ITFG2: variants seen among roughly 807,000 people sequenced by gnomAD.
The protein encoded by ITFG2 is integrin alpha FG-GAP repeat containing 2.
Under a neutral mutation model 54.4 loss-of-function variants are expected in ITFG2, and 36 were observed. The observed-to-expected ratio is 0.66, with a 90% confidence interval of 0.51 to 0.87. ITFG2 has a LOEUF of 0.87. Among genes scored for constraint, ITFG2 ranks in the 40% least tolerant of loss-of-function variants. The probability of loss-of-function intolerance (pLI) is 0.00; values close to 1 mark genes in which losing one functional copy is unlikely to be tolerated. For missense variants in ITFG2, 524 were observed against 576.7 expected, an observed-to-expected ratio of 0.91 and a Z score of 0.94; for synonymous variants, 211 against 225.4, an observed-to-expected ratio of 0.94 and a Z score of 0.57.
chr12:2,837,394 C>T (rs993422971), intron 1 of ITFG2, among the ~76,000 whole-genome samples: 9 of 152,152 alleles, frequency 5.9e-5, no homozygotes, highest in East Asian at 3.9e-4. Flanking sequence ...AGGAGAATGG[C>T]GTGAACCCGG....
At chr12:2,840,629 A>G (rs2098038849) in intron 1 of ITFG2, among the ~76,000 whole-genome samples, 1 of 151,828 alleles carries the variant, frequency 6.6e-6, no homozygotes, top group Non-Finnish European at 1.5e-5. Flanking sequence ...TACTAAAAAT[A>G]CAAAAACTTA....
chr12:2,855,980 C>T (rs2098086068), intron 2 of ITFG2, among the ~76,000 whole-genome samples: 1 of 152,134 alleles, frequency 6.6e-6, no homozygotes, highest in Non-Finnish European at 1.5e-5. Flanking sequence ...TTTCCTCCCA[C>T]TCCTCATTAA....
intron 2 of ITFG2, among the ~76,000 whole-genome samples, chr12:2,841,423 C>T (rs2098040845): frequency 6.6e-6 from 1 of 152,196 alleles, no homozygotes; most frequent in African/African-American, 2.4e-5. Context: ...CTTGGCCTTC[C>T]AGCTTGATAA....
At chr12:2,839,693 G>T (rs1000730418) in intron 1 of ITFG2, among the ~76,000 whole-genome samples, 2 of 152,120 alleles carry the variant, frequency 1.3e-5, no homozygotes, top group African/African-American at 4.8e-5. Flanking sequence ...AATGGAACAG[G>T]TAGATAATGA....
chr12:2,854,219 T>C (rs2098080225), intron 2 of ITFG2, among the ~76,000 whole-genome samples: 1 of 151,998 alleles, frequency 6.6e-6, no homozygotes, highest in African/African-American at 2.4e-5. Flanking sequence ...GAGATGGGCT[T>C]TCTCCATGTT....
intron 1 of ITFG2, among the ~76,000 whole-genome samples, chr12:2,839,818 T>C (rs951871905): frequency 6.6e-6 from 1 of 152,104 alleles, no homozygotes; most frequent in Non-Finnish European, 1.5e-5. Flanking sequence ...ATGGATGCAG[T>C]TGGAGGACAT....
downstream of ITFG2, among the ~76,000 whole-genome samples, chr12:2,828,959 C>T (rs1015676958): frequency 6.6e-6 from 1 of 151,964 alleles, no homozygotes; most frequent in Admixed American, 6.6e-5. Flanking sequence ...GTAGTTCTAG[C>T]ACTTTGGAGG....
chr12:2,827,478 G>C, downstream of ITFG2: 2 of 1,534,206 alleles, frequency 1.3e-6, no homozygotes, highest in Non-Finnish European at 1.7e-6. This position sits in a 1 kb window ranked among gnomAD's most constrained non-coding sequence, Gnocchi z 4.0. Flanking sequence ...TTTTTCACTT[G>C]GTGGTAAGTA....
rs149606789 is a variant in ITFG2, at chr12:2,849,509, C to T, written n.301-8503C>T. On this transcript the variant is annotated intron_variant and non_coding_transcript_variant, in intron 2 of 3. Coordinates refer to the ITFG2 transcript ENST00000537710. The stretch of plus-strand genomic sequence containing the variant: ...CCCTGGGGTTCAAACCTCCCACCAG[C>T]GGATATGTGCCGGTACCTGTTGGGA... 3.7e-5 allele frequency: 57 copies of T among 1,536,056 alleles called. 1 individual carries two copies. In the Middle Eastern group the frequency reaches 1.7e-3, roughly 45 times the overall value.
chr12:2,853,588 TG>T (rs1383984926), intron 2 of ITFG2, among the ~76,000 whole-genome samples: 2 of 151,500 alleles, frequency 1.3e-5, no homozygotes, highest in Admixed American at 1.3e-4. Context: ...TTTTTGTTGT[TG>T]TTGTTGTTTT....
At chr12:2,827,667 A>T (rs35469762), downstream of ITFG2, 1 of 1,613,888 alleles carries the variant, frequency 6.2e-7, no homozygotes, top group East Asian at 2.2e-5. This position sits in a 1 kb window ranked among gnomAD's most constrained non-coding sequence, Gnocchi z 4.0. Context: ...AGAATTCAGG[A>T]CTCTCAGCAT....
chr12:2,821,213 G>A (rs2153924599), intron 6 of ITFG2, 49 bp from the exon 7 acceptor site: 1 of 1,435,820 alleles, frequency 7.0e-7, no homozygotes, highest in Admixed American at 1.9e-5. Flanking sequence ...GGGCTGGAGA[G>A]CTCAGCTCAC....
At chr12:2,832,162 G>C (rs1454415209), upstream of ITFG2, among the ~76,000 whole-genome samples, 2 of 152,114 alleles carry the variant, frequency 1.3e-5, no homozygotes, top group Non-Finnish European at 2.9e-5. Context: ...AGATCCCCAG[G>C]TGATTCATGT....
At chr12:2,847,542 C>T (rs2098056673) in intron 2 of ITFG2, among the ~76,000 whole-genome samples, 1 of 152,020 alleles carries the variant, frequency 6.6e-6, no homozygotes, top group Non-Finnish European at 1.5e-5. Flanking sequence ...TGGCGCACGC[C>T]TGTAGTCCCA....
In ITFG2 at chr12:2,820,865, G is replaced by A; in HGVS notation, c.688G>A (p.Gly230Ser). ...SPPASEGPTDGSRETPAARDV... is the reference protein window; with the variant it reads ...SPPASEGPTDSSRETPAARDV... ...TCCTGCCTCTGAAGGGCCCACGGATGGTAGTAGGTAAGGGGGTACAGGCCA... is the reference window on the plus strand; with the variant it reads ...TCCTGCCTCTGAAGGGCCCACGGATAGTAGTAGGTAAGGGGGTACAGGCCA... Residue 230 changes from glycine to serine, a missense_variant, in exon 6 of 12, where the codon GGT becomes AGT. Physicochemically the swap from Gly to Ser is moderately conservative, Grantham distance 56 (BLOSUM62 0). Transcript: ENST00000228799. 6.2e-7 allele frequency: 1 copy of A among 1,614,014 alleles called. No homozygotes were observed. Among genetic ancestry groups the A allele is most frequent in the Non-Finnish European group, 8.5e-7 (1 of 1,179,940 alleles).
At chr12:2,837,366 T>A (rs1168264488) in intron 1 of ITFG2, among the ~76,000 whole-genome samples, 1 of 152,150 alleles carries the variant, frequency 6.6e-6, no homozygotes, top group Non-Finnish European at 1.5e-5. Flanking sequence ...TAGTCCCAGC[T>A]ACTCAGGAGG....
chr12:2,828,466 G>A (rs752045217), downstream of ITFG2: 11 of 1,362,722 alleles, frequency 8.1e-6, no homozygotes, highest in Non-Finnish European at 1.1e-5. Context: ...GAATGGGTTG[G>A]AATTGGATCC....
downstream of ITFG2, chr12:2,826,483 C>T (rs1333466860): frequency 6.6e-6 from 1 of 151,958 alleles, no homozygotes; most frequent in Non-Finnish European, 1.5e-5. Flanking sequence ...TCGGTGGGTA[C>T]AAAAAGCCAG....
intron 1 of ITFG2, among the ~76,000 whole-genome samples, chr12:2,840,552 C>T (rs560776727): frequency 7.9e-5 from 12 of 151,938 alleles, no homozygotes; most frequent in South Asian, 2.1e-4. Context: ...TTTGGGAGGC[C>T]GAGGCAGGCA....
Sources: allele counts gnomAD v4.1 joint callset (sites outside exome capture counted in the v4.1 genomes callset), GRCh38; gene constraint gnomAD v4.1.1; non-coding constraint Gnocchi (gnomAD v3.1); transcripts MANE v1.5; gene names NCBI Gene and HGNC (gene_info 2026-07-23, HGNC 2026-07-21).